Variants in ZFHX3 observed in about 807,000 individuals in gnomAD.
ZFHX3 encodes the protein zinc finger homeobox protein 3.
ZFHX3 carries 42 observed loss-of-function variants against 279.1 expected under a neutral mutation model. That is an observed-to-expected ratio of 0.15 (90% CI 0.12 to 0.19). ZFHX3 has a LOEUF of 0.19. Among genes scored for constraint, ZFHX3 ranks in the 10% least tolerant of loss-of-function variants. The probability of loss-of-function intolerance (pLI) is 1.00; values close to 1 mark genes in which losing one functional copy is unlikely to be tolerated. For synonymous variants in ZFHX3, 2,293 were observed against 1,957.8 expected (o/e 1.17, Z -4.52); for missense variants, 4,981 against 4,754.0 (o/e 1.05, Z -1.40).
At chr16:73,831,811 T>A (rs1961004493) in intron 1 of ZFHX3, among the ~76,000 whole-genome samples, 1 of 152,210 alleles carries the variant, frequency 6.6e-6, no homozygotes, top group Admixed American at 6.5e-5. Context: ...ATTGTGGCCG[T>A]CCTTCAGGGA....
At chr16:72,889,598 C>T (rs2038719027) in intron 4 of ZFHX3, 133 bp downstream of exon 4, 1 of 799,304 alleles carries the variant, frequency 1.3e-6, no homozygotes, top group African/African-American at 1.7e-5. Flanking sequence ...CAATGCTCAC[C>T]TGTGAAGTCA....
At chr16:73,722,967 G>C (rs577181732) in intron 1 of ZFHX3, among the ~76,000 whole-genome samples, 1 of 152,252 alleles carries the variant, frequency 6.6e-6, no homozygotes, top group South Asian at 2.1e-4. Flanking sequence ...TGAGTCCATT[G>C]ATTCTCACAT....
intron 2 of ZFHX3, among the ~76,000 whole-genome samples, chr16:73,621,598 T>C (rs2052363797): frequency 6.6e-6 from 1 of 152,116 alleles, no homozygotes. Context: ...GGGAGAACAG[T>C]AACTCACCAA....
At chr16:73,378,368 G>A in intron 3 of ZFHX3, among the ~76,000 whole-genome samples, 1 of 152,042 alleles carries the variant, frequency 6.6e-6, no homozygotes, top group East Asian at 1.9e-4. Flanking sequence ...GGCCCTTTAA[G>A]GTTTTTCTTT....
intron 4 of ZFHX3, among the ~76,000 whole-genome samples, chr16:72,879,066 G>A (rs1488967924): frequency 1.3e-5 from 2 of 152,212 alleles, no homozygotes; most frequent in African/African-American, 4.8e-5. Context: ...CCAGCCATGG[G>A]AAGCAGGATG....
intron 2 of ZFHX3, among the ~76,000 whole-genome samples, chr16:73,536,980 T>A (rs1436260183): frequency 6.6e-6 from 1 of 152,144 alleles, no homozygotes; most frequent in Non-Finnish European, 1.5e-5. Flanking sequence ...CAGCGGCCAA[T>A]CCTACCTTTC....
At chr16:73,456,947 G>T (rs1443126912) in intron 2 of ZFHX3, among the ~76,000 whole-genome samples, 1 of 152,220 alleles carries the variant, frequency 6.6e-6, no homozygotes, top group Non-Finnish European at 1.5e-5. Context: ...CCAAAACTCC[G>T]CTTCAGCGAG....
chr16:73,088,335 TAG>T (rs1251474094), intron 8 of ZFHX3, among the ~76,000 whole-genome samples: 7 of 151,930 alleles, frequency 4.6e-5, no homozygotes, highest in African/African-American at 9.7e-5. Flanking sequence ...GTATTTTTCG[TAG>T]AGATGGGGTT....
At chr16:73,007,042 G>A (rs899669595) in intron 1 of ZFHX3, among the ~76,000 whole-genome samples, 3 of 152,146 alleles carry the variant, frequency 2.0e-5, no homozygotes, top group East Asian at 1.9e-4. Context: ...AATGCAGAAC[G>A]GGTGACTATG....
chr16:73,011,417 C>A (rs1313189998), intron 1 of ZFHX3, among the ~76,000 whole-genome samples: 2 of 151,258 alleles, frequency 1.3e-5, no homozygotes, highest in Admixed American at 1.3e-4. Context: ...CAGGCGTGAG[C>A]CACCACACCC....
At chr16:73,623,431 G>A (rs1024757451) in intron 2 of ZFHX3, among the ~76,000 whole-genome samples, 4 of 152,120 alleles carry the variant, frequency 2.6e-5, no homozygotes, top group Non-Finnish European at 4.4e-5. Context: ...GCTTCTGTTA[G>A]TGACAGACAG....
chr16:73,258,234 G>T (rs1368784163), intron 4 of ZFHX3, among the ~76,000 whole-genome samples: 1 of 151,964 alleles, frequency 6.6e-6, no homozygotes, highest in Non-Finnish European at 1.5e-5. Flanking sequence ...GATGTTAAGG[G>T]AATCATCCAA....
chr16:73,281,495 T>C (rs1320712262), intron 4 of ZFHX3, among the ~76,000 whole-genome samples: 3 of 152,178 alleles, frequency 2.0e-5, no homozygotes, highest in African/African-American at 4.8e-5. Flanking sequence ...GGTTACAGGG[T>C]ACAGAGTTGC....
At chr16:72,990,192 C>T (rs981120283) in intron 1 of ZFHX3, among the ~76,000 whole-genome samples, 3 of 152,174 alleles carry the variant, frequency 2.0e-5, no homozygotes, top group African/African-American at 7.2e-5. Context: ...GCACTCAGTC[C>T]GATGGAGGGG....
At chr16:72,876,501 G>A (rs1313117876) in intron 4 of ZFHX3, among the ~76,000 whole-genome samples, 2 of 151,910 alleles carry the variant, frequency 1.3e-5, no homozygotes, top group Non-Finnish European at 2.9e-5. Flanking sequence ...ACGAGGCATC[G>A]CCCGTTGGAA....
chr16:73,803,315 T>C (rs531647521), intron 1 of ZFHX3, among the ~76,000 whole-genome samples: 1 of 152,338 alleles, frequency 6.6e-6, no homozygotes, highest in Admixed American at 6.5e-5. Flanking sequence ...AGTTGAGGTA[T>C]GTTCAGTGTT....
At chr16:73,356,345 C>T (rs1036529027) in intron 3 of ZFHX3, among the ~76,000 whole-genome samples, 8 of 150,626 alleles carry the variant, frequency 5.3e-5, no homozygotes, top group Admixed American at 1.3e-4. Flanking sequence ...TACAGCCCCA[C>T]GGGTCACTCT....
At chr16:73,484,709 ATT>A in intron 2 of ZFHX3, among the ~76,000 whole-genome samples, 1 of 152,138 alleles carries the variant, frequency 6.6e-6, no homozygotes, top group Non-Finnish European at 1.5e-5. Context: ...ATCAACTTCC[ATT>A]TTCCTATGTT....
intron 2 of ZFHX3, among the ~76,000 whole-genome samples, chr16:73,526,449 C>G (rs555726449): frequency 6.6e-6 from 1 of 152,254 alleles, no homozygotes; most frequent in Admixed American, 6.5e-5. Context: ...AGATAACACC[C>G]TGACCTTGAT....
Sources: allele counts gnomAD v4.1 joint callset (sites outside exome capture counted in the v4.1 genomes callset), GRCh38; gene constraint gnomAD v4.1.1; transcripts MANE v1.5; gene names NCBI Gene and HGNC (gene_info 2026-07-23, HGNC 2026-07-21).